TTC29: variants seen among roughly 807,000 people sequenced by gnomAD.
The protein encoded by TTC29 is tetratricopeptide repeat protein 29.
TTC29 carries 49 observed loss-of-function variants against 58.1 expected under a neutral mutation model. The observed-to-expected ratio is 0.84, with a 90% confidence interval of 0.67 to 1.07. The LOEUF (loss-of-function observed/expected upper bound fraction) is 1.07. Ranked by LOEUF, TTC29 falls within the 50% of genes least tolerant of loss-of-function variation. The pLI, the probability that TTC29 is intolerant of heterozygous loss-of-function variation, is 0.00. For missense variants in TTC29, 582 were observed against 555.6 expected, an observed-to-expected ratio of 1.05 and a Z score of -0.48; for synonymous variants, 209 against 196.8, an observed-to-expected ratio of 1.06 and a Z score of -0.52.
chr4:146,825,995 G>A (rs1283136420), intron 9 of TTC29, among the ~76,000 whole-genome samples: 3 of 151,272 alleles, frequency 2.0e-5, no homozygotes, highest in South Asian at 2.1e-4. Flanking sequence ...TTTCAAGCCT[G>A]TGTGTGTCTC....
chr4:146,822,444 C>T (rs1157271455), intron 9 of TTC29, among the ~76,000 whole-genome samples: 1 of 152,180 alleles, frequency 6.6e-6, no homozygotes, highest in African/African-American at 2.4e-5. Context: ...CATAGTATTC[C>T]ATGGTGTATA....
chr4:146,845,817 TCACACACA>T (rs112302644), intron 8 of TTC29, among the ~76,000 whole-genome samples: 3 of 148,884 alleles, frequency 2.0e-5, no homozygotes, highest in African/African-American at 7.4e-5. Context: ...GTACACACAA[TCACACACA>T]CACACACACA....
intron 11 of TTC29, among the ~76,000 whole-genome samples, chr4:146,797,933 C>T (rs988726027): frequency 6.7e-6 from 1 of 149,626 alleles, no homozygotes; most frequent in South Asian, 2.1e-4. Context: ...TGAAGTTGAC[C>T]CACAGTTCTC....
intron 11 of TTC29, among the ~76,000 whole-genome samples, chr4:146,743,517 T>TA: frequency 6.6e-6 from 1 of 152,320 alleles, no homozygotes; most frequent in Non-Finnish European, 1.5e-5. Context: ...TTTTATGTTT[T>TA]AAAGACGACA....
At chr4:146,809,729 A>G (rs1750881772) in intron 10 of TTC29, among the ~76,000 whole-genome samples, 1 of 150,092 alleles carries the variant, frequency 6.7e-6, no homozygotes. Context: ...ATCTCATGCC[A>G]GTTAGAATGG....
intron 11 of TTC29, among the ~76,000 whole-genome samples, chr4:146,758,535 C>T (rs1746624537): frequency 6.6e-6 from 1 of 152,080 alleles, no homozygotes; most frequent in Non-Finnish European, 1.5e-5. Flanking sequence ...CCACAGAATA[C>T]ACATTCTATC....
At position 146,762,346 on chromosome 4, in the gene TTC29, C is replaced by CTT. The variant is rs34223852; in HGVS notation, c.1330+41109_1330+41110dup. On this transcript the variant is annotated intron_variant, in intron 11 of 12. Coordinates refer to ENST00000325106, the MANE Select transcript of TTC29 (RefSeq NM_031956.4). ...TATATCTATTGGATCAGTGTAATTT[C>CTT]TTTTTTTTTTTTTTTTCCTGTGAGT... Among the ~76,000 whole-genome samples, 520 of 136,710 alleles carry CTT rather than the reference C, an allele frequency of 3.8e-3. 3 individuals are homozygous for CTT. Among genetic ancestry groups the CTT allele is most frequent in the East Asian group, 8.6e-3 (40 of 4,664 alleles). 89.7% of individuals were successfully genotyped at this position (136,710 alleles called of 152,430 possible).
chr4:146,914,133 C>A (rs568850328), intron 4 of TTC29, among the ~76,000 whole-genome samples: 18 of 152,062 alleles, frequency 1.2e-4, no homozygotes, highest in African/African-American at 4.1e-4. Context: ...ATAGTTATTG[C>A]AAATTATTTC....
chr4:146,845,771 GTTCT>G (rs1182494818), intron 8 of TTC29, among the ~76,000 whole-genome samples: 7 of 151,932 alleles, frequency 4.6e-5, no homozygotes, highest in African/African-American at 1.7e-4. Context: ...TGCCTGCATT[GTTCT>G]TTCTCATTTT....
At chr4:146,854,802 GT>G (rs1345635979) in intron 8 of TTC29, among the ~76,000 whole-genome samples, 1 of 152,116 alleles carries the variant, frequency 6.6e-6, no homozygotes, top group Non-Finnish European at 1.5e-5. Context: ...ACTTTCTAAT[GT>G]TTTGCCTCAA....
intron 11 of TTC29, chr4:146,764,254 C>T (rs181945771): frequency 4.6e-5 from 7 of 152,122 alleles, no homozygotes; most frequent in African/African-American, 1.7e-4. Flanking sequence ...CTGTATTGTG[C>T]AAGATTCTTA....
intron 11 of TTC29, among the ~76,000 whole-genome samples, chr4:146,733,972 G>GA (rs1744533917): frequency 6.6e-6 from 1 of 152,076 alleles, no homozygotes. Context: ...TTTTAAAAGA[G>GA]AAAATGATAA....
chr4:146,778,519 T>A (rs2150083672), intron 11 of TTC29, among the ~76,000 whole-genome samples: 1 of 152,266 alleles, frequency 6.6e-6, no homozygotes, highest in East Asian at 1.9e-4. Flanking sequence ...GTGTCAATTT[T>A]TTAAAATGTT....
chr4:146,803,573 G>C lies in TTC29; in HGVS notation c.1214C>G (p.Ala405Gly). 6.2e-7 allele frequency: 1 copy of C among 1,607,184 alleles called. No individual in the cohort carries two copies. Among genetic ancestry groups the C allele is most frequent in the Non-Finnish European group, 8.5e-7 (1 of 1,176,320 alleles). The change falls in exon 11 of 13, where the codon GCT becomes GGT. Residue 405 changes from alanine to glycine, a missense_variant. Ala to Gly is a moderately conservative substitution (Grantham distance 60). Transcript: ENST00000325106. ...ETKVHYGIAK[A>G]HQMMLTVNNY... ...GTTCACTGTAAGCATCATCTGATGA[G>C]CTTTTGCTATTCCATAGTGAACTTT...
chr4:146,810,254 G>A (rs957937662), intron 10 of TTC29, among the ~76,000 whole-genome samples: 1 of 151,970 alleles, frequency 6.6e-6, no homozygotes, highest in Non-Finnish European at 1.5e-5. Flanking sequence ...ATACCTGTTG[G>A]GGACTGGGGG....
intron 11 of TTC29, among the ~76,000 whole-genome samples, chr4:146,771,723 T>C (rs569009121): frequency 9.3e-4 from 142 of 152,268 alleles, no homozygotes; most frequent in African/African-American, 3.4e-3. Flanking sequence ...GATGAACATA[T>C]GTATGCATGT....
intron 11 of TTC29, among the ~76,000 whole-genome samples, chr4:146,717,001 G>A (rs1579511100): frequency 1.3e-5 from 2 of 152,208 alleles, no homozygotes; most frequent in African/African-American, 4.8e-5. Context: ...AATGTAGGCC[G>A]CACTTCAGAC....
At chr4:146,794,231 G>A (rs909752347) in intron 11 of TTC29, among the ~76,000 whole-genome samples, 2 of 152,076 alleles carry the variant, frequency 1.3e-5, no homozygotes, top group Non-Finnish European at 2.9e-5. Context: ...TAGCTATTTG[G>A]CCATCTATAT....
chr4:146,790,480 C>G (rs988180640), intron 11 of TTC29, among the ~76,000 whole-genome samples: 14 of 152,088 alleles, frequency 9.2e-5, no homozygotes, highest in African/African-American at 3.4e-4. Context: ...AGCCACTGCA[C>G]CCGGCCACTA....
Sources: gnomAD v4.1 joint callset for allele counts (sites outside exome capture counted in the v4.1 genomes callset) on GRCh38, gnomAD v4.1.1 for gene constraint, MANE v1.5 for transcripts, NCBI Gene and HGNC (gene_info 2026-07-23, HGNC 2026-07-21) for gene names.